Variants in PHF14 observed in about 807,000 individuals in gnomAD.
The protein encoded by PHF14 is PHD finger protein 14.
PHF14 carries 55 observed loss-of-function variants against 117.9 expected under a neutral mutation model. The ratio of observed to expected loss-of-function variants is 0.47; its 90% confidence interval spans 0.38 to 0.58. The LOEUF (loss-of-function observed/expected upper bound fraction) is 0.58. PHF14 is among the 20% of genes least tolerant of loss of function. The pLI is 0.00. For synonymous variants in PHF14, 409 were observed against 368.6 expected (o/e 1.11, Z -1.26); for missense variants, 978 against 1,122.2 (o/e 0.87, Z 1.84).
chr7:11,101,118 A>G (rs997683208), intron 16 of PHF14, among the ~76,000 whole-genome samples: 1 of 151,886 alleles, frequency 6.6e-6, no homozygotes, highest in African/African-American at 2.4e-5. Context: ...CACATTGCTT[A>G]TTCTAGCTTA....
At chr7:11,143,560 G>T (rs1788458242) in intron 17 of PHF14, among the ~76,000 whole-genome samples, 1 of 151,898 alleles carries the variant, frequency 6.6e-6, no homozygotes, top group Non-Finnish European at 1.5e-5. Flanking sequence ...CAGATTATTT[G>T]GAAAATGCAG....
intron 7 of PHF14, among the ~76,000 whole-genome samples, chr7:11,031,003 A>G (rs1435925086): frequency 6.6e-6 from 1 of 152,210 alleles, no homozygotes; most frequent in Non-Finnish European, 1.5e-5. Context: ...ACTTATGTAC[A>G]TAAGGATTTA....
intron 4 of PHF14, among the ~76,000 whole-genome samples, chr7:10,993,829 T>C (rs1782541456): frequency 1.3e-5 from 2 of 151,412 alleles, no homozygotes; most frequent in Admixed American, 6.6e-5. Context: ...GCCAAAATGG[T>C]GAAACGACGT....
At chr7:11,048,776 C>T (rs1218692757) in intron 13 of PHF14, among the ~76,000 whole-genome samples, 1 of 152,106 alleles carries the variant, frequency 6.6e-6, no homozygotes, top group African/African-American at 2.4e-5. Flanking sequence ...CCATAATACT[C>T]TTGTAGTCTA....
At chr7:11,072,197 G>C (rs1016838672) in intron 16 of PHF14, among the ~76,000 whole-genome samples, 2 of 152,164 alleles carry the variant, frequency 1.3e-5, no homozygotes, top group African/African-American at 4.8e-5. Flanking sequence ...GAAAGCAAAG[G>C]GGGTAAAGGC....
intron 2 of PHF14, among the ~76,000 whole-genome samples, chr7:10,976,589 G>A (rs1244952577): frequency 6.6e-6 from 1 of 151,962 alleles, no homozygotes; most frequent in Admixed American, 6.6e-5. Context: ...CATTGAGATG[G>A]AATATTCACA....
Position 11,076,970 on chromosome 7 carries a change from A to G in PHF14, c.2654+14885A>G, listed in dbSNP as rs142542998. 2.9e-3 allele frequency among the ~76,000 whole-genome samples: 437 copies of G among 151,422 alleles called. 3 individuals carry two copies. The highest frequency in any genetic ancestry group is 9.8e-3 in the African/African-American group (404 of 41,278). ...GTATATTAATATAATACTAATATAT[A>G]TGTTGTACTTATGTTGTATGTGCAC... On this transcript the variant is annotated intron_variant, in intron 16 of 17. Coordinates refer to ENST00000634607, the MANE Select transcript of PHF14 (RefSeq NM_001007157.2).
At chr7:11,090,729 G>A (rs1786612146) in intron 16 of PHF14, among the ~76,000 whole-genome samples, 1 of 152,144 alleles carries the variant, frequency 6.6e-6, no homozygotes, top group Non-Finnish European at 1.5e-5. Context: ...TAAAGATACT[G>A]AAAGGCATTC....
chr7:11,096,714 G>A (rs1449317385), intron 16 of PHF14, among the ~76,000 whole-genome samples: 1 of 152,120 alleles, frequency 6.6e-6, no homozygotes, highest in East Asian at 1.9e-4. Flanking sequence ...GATATATCGA[G>A]TTTTTATAGC....
chr7:11,009,155 A>T (rs1248017464), intron 4 of PHF14, among the ~76,000 whole-genome samples: 1 of 152,006 alleles, frequency 6.6e-6, no homozygotes. Flanking sequence ...TACCTGTTTT[A>T]TATATACCGA....
At chr7:11,090,018 G>A (rs183939111) in intron 16 of PHF14, among the ~76,000 whole-genome samples, 3 of 152,088 alleles carry the variant, frequency 2.0e-5, no homozygotes, top group South Asian at 2.1e-4. Flanking sequence ...TGATTCGCCC[G>A]CCTTAGCCTC....
intron 2 of PHF14, among the ~76,000 whole-genome samples, chr7:10,979,930 TC>T (rs1781996142): frequency 6.6e-6 from 1 of 152,090 alleles, no homozygotes; most frequent in African/African-American, 2.4e-5. Flanking sequence ...TGGAAAAATG[TC>T]CATTCTTCTA....
At chr7:11,108,449 G>A (rs2128342925) in intron 16 of PHF14, 1 of 151,684 alleles carries the variant, frequency 6.6e-6, no homozygotes, top group East Asian at 1.9e-4. Flanking sequence ...TTTTGAGTGA[G>A]CTAGAACCTC....
At chr7:11,081,841 A>G (rs892898113) in intron 16 of PHF14, among the ~76,000 whole-genome samples, 15 of 151,050 alleles carry the variant, frequency 9.9e-5, no homozygotes, top group African/African-American at 3.4e-4. Flanking sequence ...GGGCGACAGA[A>G]TGAGACTCCG....
intron 13 of PHF14, among the ~76,000 whole-genome samples, chr7:11,045,711 A>T (rs74789711): frequency 6.6e-6 from 1 of 152,324 alleles, no homozygotes; most frequent in African/African-American, 2.4e-5. Flanking sequence ...ATGGATACAG[A>T]TACAGAAGTA....
intron 14 of PHF14, among the ~76,000 whole-genome samples, chr7:11,053,002 GT>G (rs1784893867): frequency 6.6e-6 from 1 of 152,108 alleles, no homozygotes. Context: ...CTGGCTTACA[GT>G]TATGAATTCT....
intron 16 of PHF14, among the ~76,000 whole-genome samples, chr7:11,094,435 A>G (rs79466587): frequency 0.086 from 13,117 of 152,026 alleles, 597 homozygotes; most frequent in African/African-American, 0.1. Context: ...AGTCACATCT[A>G]TTTATCTCTC....
intron 17 of PHF14, among the ~76,000 whole-genome samples, chr7:11,155,377 A>G (rs1788811289): frequency 6.6e-6 from 1 of 152,302 alleles, no homozygotes; most frequent in Middle Eastern, 3.4e-3. Context: ...GTCAGAAGTA[A>G]CCAACCATGA....
chr7:11,072,904 A>G (rs1200066687), intron 16 of PHF14, among the ~76,000 whole-genome samples: 4 of 152,134 alleles, frequency 2.6e-5, no homozygotes, highest in South Asian at 2.1e-4. Flanking sequence ...CCTTTAAACA[A>G]CCATCTTTCA....
Sources: gnomAD v4.1 joint callset for allele counts (sites outside exome capture counted in the v4.1 genomes callset) on GRCh38, gnomAD v4.1.1 for gene constraint, MANE v1.5 for transcripts, NCBI Gene and HGNC (gene_info 2026-07-23, HGNC 2026-07-21) for gene names.